CRPPA: variants seen among roughly 807,000 people sequenced by gnomAD.
CRPPA encodes CDP-L-ribitol pyrophosphorylase A, also known as D-ribitol-5-phosphate cytidylyltransferase.
CRPPA carries 43 observed loss-of-function variants against 52.0 expected under a neutral mutation model. That is an observed-to-expected ratio of 0.83 (90% CI 0.65 to 1.07). CRPPA has a LOEUF of 1.07. CRPPA is among the 50% of genes least tolerant of loss of function. The pLI is 0.00. For missense variants in CRPPA, 629 were observed against 551.7 expected (o/e 1.14, Z -1.40); for synonymous variants, 250 against 203.5 (o/e 1.23, Z -1.94).
chr7:16,324,651 C>A (rs148098117), intron 3 of CRPPA, among the ~76,000 whole-genome samples: 2 of 152,272 alleles, frequency 1.3e-5, no homozygotes, highest in Non-Finnish European at 2.9e-5. Context: ...ACATTACCAT[C>A]AACAAGGTCT....
chr7:16,217,431 G>C (rs1309998477), intron 8 of CRPPA, among the ~76,000 whole-genome samples: 1 of 148,286 alleles, frequency 6.7e-6, no homozygotes, highest in Non-Finnish European at 1.5e-5. Flanking sequence ...ACGGAACAAA[G>C]CTGGATGGAG....
chr7:16,107,608 C>A (rs1422694069), intron 9 of CRPPA, among the ~76,000 whole-genome samples: 1 of 151,926 alleles, frequency 6.6e-6, no homozygotes, highest in Admixed American at 6.6e-5. Flanking sequence ...CTCATAGGAA[C>A]TGGTAAAGCA....
Position 16,406,199 on chromosome 7 carries a change from AT to A in CRPPA, c.395del (p.Asn132MetfsTer3). ...AGVTRHRSIFNGLKALAEDQI... is the reference protein window; with the variant it reads ...AGVTRHRSIFXGLKALAEDQI... Reference sequence around the variant, plus strand: ...GATCTTCTGCCAGTGCTTTTAGTCCATTGAAAATTGACCTGTGGCGGGTCAC... The same window carrying A: ...GATCTTCTGCCAGTGCTTTTAGTCCATGAAAATTGACCTGTGGCGGGTCAC... On this transcript the variant is annotated frameshift_variant, in exon 2 of 10. Coordinates refer to ENST00000407010, the MANE Select transcript of CRPPA (RefSeq NM_001101426.4). LOFTEE classifies it high-confidence loss of function. 1 of 1,614,034 alleles carries A rather than the reference AT, an allele frequency of 6.2e-7. No individual in the cohort carries two copies. Among genetic ancestry groups the A allele is most frequent in the Non-Finnish European group, 8.5e-7 (1 of 1,179,888 alleles).
At chr7:16,238,101 A>G (rs1033549617) in intron 8 of CRPPA, among the ~76,000 whole-genome samples, 1 of 152,242 alleles carries the variant, frequency 6.6e-6, no homozygotes, top group Non-Finnish European at 1.5e-5. Flanking sequence ...CATTTTAAGT[A>G]AACTCTTATT....
chr7:16,331,663 G>A (rs986820125), intron 3 of CRPPA, among the ~76,000 whole-genome samples: 2 of 152,064 alleles, frequency 1.3e-5, no homozygotes, highest in South Asian at 4.2e-4. Flanking sequence ...TCTTAAGAAG[G>A]AATCAAAAAG....
chr7:16,317,020 G>C (rs1785158430), intron 3 of CRPPA, among the ~76,000 whole-genome samples: 1 of 152,060 alleles, frequency 6.6e-6, no homozygotes, highest in Non-Finnish European at 1.5e-5. Context: ...TTTTCTAATA[G>C]TAATTTAAAG....
chr7:16,189,227 T>C (rs375246335), intron 9 of CRPPA, among the ~76,000 whole-genome samples: 2 of 152,238 alleles, frequency 1.3e-5, no homozygotes, highest in East Asian at 3.9e-4. Context: ...TGGCAACTGG[T>C]ATATTAACAA....
At chr7:16,196,537 A>G (rs17672457) in intron 9 of CRPPA, among the ~76,000 whole-genome samples, 10,950 of 152,270 alleles carry the variant, frequency 0.072, 525 homozygotes, top group Non-Finnish European at 0.1. Flanking sequence ...CACTGTAGAT[A>G]CTAACAAAAG....
intron 9 of CRPPA, among the ~76,000 whole-genome samples, chr7:16,188,042 ATTT>A (rs34518390): frequency 0.011 from 1,297 of 115,460 alleles, 22 homozygotes; most frequent in African/African-American, 0.036. Context: ...ATTTGGGTGA[ATTT>A]TTTTTTTTTT....
chr7:16,099,631 G>T (rs1782003737), intron 9 of CRPPA, among the ~76,000 whole-genome samples: 1 of 152,144 alleles, frequency 6.6e-6, no homozygotes, highest in African/African-American at 2.4e-5. Flanking sequence ...AAACTACAGT[G>T]CTCAGAGCCA....
intron 9 of CRPPA, among the ~76,000 whole-genome samples, chr7:16,139,896 T>G (rs1262862013): frequency 6.6e-6 from 1 of 152,140 alleles, no homozygotes; most frequent in South Asian, 2.1e-4. Context: ...CCAGAGCAGA[T>G]AATCTGCTGC....
In CRPPA at chr7:16,376,060, C is replaced by G. The variant is rs1407010796; in HGVS notation, c.684+32G>C. The G allele has an allele frequency of 3.9e-6, 6 of 1,545,898 alleles. No individual in the cohort carries two copies. The South Asian group carries it at 4.8e-5, about 12-fold the overall frequency. Reference sequence around the variant, plus strand: ...AGGTTGTTTGGGGAACCTGACATAACAGCAGCTTATTCAAAAAGCCCAAAT... The same window carrying G: ...AGGTTGTTTGGGGAACCTGACATAAGAGCAGCTTATTCAAAAAGCCCAAAT... On this transcript the variant is annotated intron_variant, in intron 3 of 9. Transcript: ENST00000407010.
At chr7:16,174,418 C>G (rs1414760868) in intron 9 of CRPPA, among the ~76,000 whole-genome samples, 2 of 152,170 alleles carry the variant, frequency 1.3e-5, no homozygotes, top group Admixed American at 1.3e-4. Context: ...ATAGACAACA[C>G]AAACGAGATT....
chr7:16,106,270 T>C (rs977883007), intron 9 of CRPPA, among the ~76,000 whole-genome samples: 6 of 152,186 alleles, frequency 3.9e-5, no homozygotes, highest in Admixed American at 3.3e-4. Context: ...AAGTAGTCAA[T>C]TGTCAACCAC....
chr7:16,302,561 T>G (rs1784812238), intron 4 of CRPPA, among the ~76,000 whole-genome samples: 1 of 152,140 alleles, frequency 6.6e-6, no homozygotes, highest in Non-Finnish European at 1.5e-5. Context: ...ACCTAGATAT[T>G]TATGATGCAA....
At chr7:16,149,812 C>G (rs1365897297) in intron 9 of CRPPA, among the ~76,000 whole-genome samples, 1 of 151,968 alleles carries the variant, frequency 6.6e-6, no homozygotes, top group East Asian at 1.9e-4. Flanking sequence ...ACGGTGAAAC[C>G]CCGTCTCTAC....
intron 8 of CRPPA, among the ~76,000 whole-genome samples, chr7:16,237,854 C>CTT (rs1306440998): frequency 2.6e-5 from 4 of 152,202 alleles, no homozygotes; most frequent in Non-Finnish European, 5.9e-5. Flanking sequence ...ACTCTATGTG[C>CTT]TTCTTTGTCC....
intron 8 of CRPPA, among the ~76,000 whole-genome samples, chr7:16,235,718 T>C (rs970005935): frequency 1.3e-5 from 2 of 152,148 alleles, no homozygotes; most frequent in Non-Finnish European, 2.9e-5. Flanking sequence ...GAGTTACTTC[T>C]TTAAAATGAG....
At chr7:16,243,616 A>G (rs1783185871) in intron 8 of CRPPA, among the ~76,000 whole-genome samples, 1 of 152,190 alleles carries the variant, frequency 6.6e-6, no homozygotes, top group Non-Finnish European at 1.5e-5. Flanking sequence ...ATATCAAAGG[A>G]TTAATAATGA....
Sources: gnomAD v4.1 joint callset for allele counts (sites outside exome capture counted in the v4.1 genomes callset) on GRCh38, gnomAD v4.1.1 for gene constraint, MANE v1.5 for transcripts, NCBI Gene and HGNC (gene_info 2026-07-23, HGNC 2026-07-21) for gene names.